PACRG: variants seen among roughly 807,000 people sequenced by gnomAD.
The protein encoded by PACRG is parkin coregulated.
A neutral mutation model predicts 29.7 loss-of-function variants in PACRG; 29 were observed. The ratio of observed to expected loss-of-function variants is 0.98; its 90% CI spans 0.73 to 1.33. The LOEUF is 1.33. Among genes scored for constraint, PACRG ranks in the 40% most tolerant of loss-of-function variants. PACRG has a pLI of 0.00. For missense variants in PACRG, 279 were observed against 316.2 expected (o/e 0.88, Z 0.89); for synonymous variants, 116 against 118.7 (o/e 0.98, Z 0.15).
At chr6:163,303,277 T>C (rs948643039) in intron 4 of PACRG, among the ~76,000 whole-genome samples, 1 of 152,102 alleles carries the variant, frequency 6.6e-6, no homozygotes, top group African/African-American at 2.4e-5. Flanking sequence ...TGAGCTGAGA[T>C]CGTGCCACTG....
intron 4 of PACRG, among the ~76,000 whole-genome samples, chr6:163,260,472 A>G (rs528593350): frequency 6.6e-6 from 1 of 152,328 alleles, no homozygotes; most frequent in Non-Finnish European, 1.5e-5. Context: ...CAGCAACTGT[A>G]TTTCTACACC....
rs374404323 is a variant in PACRG, at chr6:163,272,914, C to T, written c.614-41913C>T. ...ATTCTTTTTTTTTTTTTTTTTGAGA[C>T]GGAGTCTTGCTCTGTCGCCCAGGCT... On this transcript the variant is annotated intron_variant, in intron 4 of 4. Coordinates refer to ENST00000366888, the MANE Select transcript of PACRG (RefSeq NM_001080379.2). Among the ~76,000 whole-genome samples, 140 of 47,424 alleles carry T rather than the reference C, an allele frequency of 3.0e-3. 1 individual carries two copies. Among genetic ancestry groups the T allele is most frequent in the African/African-American group, 0.016 (136 of 8,300 alleles). The allele number at this position is 47,424 out of a possible 152,430, so 31.1% of individuals were successfully genotyped here. A position where few individuals can be genotyped will look rare whatever the true frequency, so the allele number is the denominator to read the frequency against.
chr6:163,050,314 A>G (rs1309496160), intron 2 of PACRG, among the ~76,000 whole-genome samples: 5 of 152,126 alleles, frequency 3.3e-5, no homozygotes, highest in Non-Finnish European at 5.9e-5. Context: ...AAAGGGTATC[A>G]ATAACTTTAT....
intron 2 of PACRG, among the ~76,000 whole-genome samples, chr6:162,937,672 G>T (rs558086394): frequency 6.6e-6 from 1 of 152,248 alleles, no homozygotes; most frequent in Admixed American, 6.5e-5. Context: ...ATTAGCCAGA[G>T]CCCTTGTAAT....
At chr6:162,729,921 A>G (rs59498466) in intron 1 of PACRG, among the ~76,000 whole-genome samples, 1 of 151,904 alleles carries the variant, frequency 6.6e-6, no homozygotes, top group Non-Finnish European at 1.5e-5. Context: ...AAACAACTTA[A>G]TTGAGATCCA....
chr6:162,997,747 A>C (rs1006614278), intron 2 of PACRG, among the ~76,000 whole-genome samples: 20 of 152,358 alleles, frequency 1.3e-4, no homozygotes, highest in African/African-American at 4.6e-4. Flanking sequence ...TGACATTGTC[A>C]GACTTTTAAT....
intron 2 of PACRG, among the ~76,000 whole-genome samples, chr6:162,968,138 G>T (rs796105525): frequency 3.9e-5 from 6 of 152,186 alleles, no homozygotes; most frequent in African/African-American, 1.4e-4. Context: ...ATCTCTGATG[G>T]GTTGTATGTC....
chr6:163,097,511 A>G (rs1814705462), intron 4 of PACRG, among the ~76,000 whole-genome samples: 1 of 152,234 alleles, frequency 6.6e-6, no homozygotes, highest in Non-Finnish European at 1.5e-5. Context: ...TCTGAGCCAA[A>G]TATGGGTGAC....
chr6:162,787,576 GTGTGTGTATATATATATA>G (rs955822039), intron 1 of PACRG, among the ~76,000 whole-genome samples: 4 of 59,536 alleles, frequency 6.7e-5, no homozygotes, highest in African/African-American at 2.6e-4. Flanking sequence ...GTGTGTGTGT[GTGTGTGTATATATATATA>G]TATATATATA....
At chr6:163,227,609 G>A (rs1781857584) in intron 4 of PACRG, among the ~76,000 whole-genome samples, 1 of 152,150 alleles carries the variant, frequency 6.6e-6, no homozygotes, top group Admixed American at 6.5e-5. Context: ...ATCGTTACAG[G>A]ACTTGCACTG....
chr6:162,746,088 A>G (rs1488204022), intron 1 of PACRG, among the ~76,000 whole-genome samples: 1 of 152,192 alleles, frequency 6.6e-6, no homozygotes, highest in Non-Finnish European at 1.5e-5. Flanking sequence ...AATAATAAAT[A>G]CAAGATAGAT....
chr6:163,269,666 C>T (rs1783659385), intron 4 of PACRG, among the ~76,000 whole-genome samples: 2 of 151,314 alleles, frequency 1.3e-5, no homozygotes, highest in East Asian at 1.9e-4. Context: ...CAATGGGAGG[C>T]TTTTATGGAT....
Position 163,055,700 on chromosome 6 carries a change from T to G in PACRG, c.292-6450T>G, listed in dbSNP as rs966433075. On this transcript the variant is annotated intron_variant, in intron 2 of 4. Coordinates refer to ENST00000366888, the MANE Select transcript of PACRG (RefSeq NM_001080379.2). The surrounding 1 kb of genome is among the most constrained non-coding windows in gnomAD (Gnocchi z 4.0). The stretch of plus-strand genomic sequence containing the variant: ...CATTTTTATCATTGTAAAATACACA[T>G]AAAACTTACCATTTTTACCATTTTT... Among the ~76,000 whole-genome samples, 4 of 152,224 alleles carry G rather than the reference T, an allele frequency of 2.6e-5. No individual in the cohort carries two copies. Among genetic ancestry groups the G allele is most frequent in the African/African-American group, 9.6e-5 (4 of 41,454 alleles).
intron 4 of PACRG, among the ~76,000 whole-genome samples, chr6:163,222,168 CA>C (rs1781608023): frequency 2.0e-5 from 3 of 152,030 alleles, no homozygotes; most frequent in Admixed American, 6.6e-5. Context: ...AAAATTAACC[CA>C]CTATAAAAAA....
At chr6:162,917,153 G>A (rs979799550) in intron 2 of PACRG, among the ~76,000 whole-genome samples, 5 of 152,172 alleles carry the variant, frequency 3.3e-5, no homozygotes, top group East Asian at 1.9e-4. Context: ...TGAGAAACTC[G>A]CTTAATCTGT....
At chr6:163,088,267 A>T (rs1362844152) in intron 3 of PACRG, among the ~76,000 whole-genome samples, 1 of 152,188 alleles carries the variant, frequency 6.6e-6, no homozygotes, top group Non-Finnish European at 1.5e-5. Context: ...AATCTTTTTC[A>T]TTAGAAGGTA....
intron 4 of PACRG, among the ~76,000 whole-genome samples, chr6:163,134,154 C>T (rs924343548): frequency 1.4e-4 from 21 of 152,132 alleles, no homozygotes; most frequent in African/African-American, 4.3e-4. Context: ...CCTTCCGTTC[C>T]ATGTCATCAT....
chr6:162,943,916 G>A (rs193060171), intron 2 of PACRG, among the ~76,000 whole-genome samples: 1 of 152,128 alleles, frequency 6.6e-6, no homozygotes, highest in Admixed American at 6.5e-5. Context: ...TGCTACTACT[G>A]CCATTGCTCA....
At chr6:163,173,026 A>G (rs1211036449) in intron 4 of PACRG, among the ~76,000 whole-genome samples, 1 of 152,254 alleles carries the variant, frequency 6.6e-6, no homozygotes, top group Non-Finnish European at 1.5e-5. Flanking sequence ...TAAAATCATC[A>G]TGGTATAAAA....
Sources: allele counts gnomAD v4.1 joint callset (sites outside exome capture counted in the v4.1 genomes callset), GRCh38; gene constraint gnomAD v4.1.1; non-coding constraint Gnocchi (gnomAD v3.1); transcripts MANE v1.5; gene names NCBI Gene and HGNC (gene_info 2026-07-23, HGNC 2026-07-21).